The following IDUA variants were observed in gnomAD, a reference collection of about 807,000 sequenced individuals.
IDUA encodes the protein alpha-L-iduronidase.
In IDUA, 65 loss-of-function variants were observed where a neutral mutation model predicts 68.9. That is an observed-to-expected ratio of 0.94 (90% CI 0.77 to 1.16). The LOEUF is 1.16. Among genes scored for constraint, IDUA ranks in the 50% most tolerant of loss-of-function variants. IDUA has a pLI of 0.00. For missense variants in IDUA, 1,046 were observed against 938.0 expected (o/e 1.12, Z -1.50); for synonymous variants, 529 against 433.6 (o/e 1.22, Z -2.73).
At chr4:992,151 T>C in intron 2 of IDUA, 1 of 471,328 alleles carries the variant, frequency 2.1e-6, no homozygotes, top group Non-Finnish European at 4.2e-6. Flanking sequence ...GTGCCTACCG[T>C]CAGAATGTCA....
At chr4:991,035 C>G in intron 2 of IDUA, 1 of 1,295,422 alleles carries the variant, frequency 7.7e-7, no homozygotes, top group Non-Finnish European at 1.0e-6. Context: ...CTCTGCCAAC[C>G]CTGTGCTTGC....
At position 1,000,995 on chromosome 4, in the gene IDUA, C is replaced by A; in HGVS notation, c.493+6C>A. ...CCTGGCCAGGAGATACATCGGTGGG[C>A]GAGCGCAGGCCCTGGGGCCCTGGCC... On this transcript the variant is annotated splice_donor_region_variant and intron_variant, in intron 4 of 13. Coordinates refer to ENST00000514224, the MANE Select transcript of IDUA (RefSeq NM_000203.5). The A allele has an allele frequency of 6.3e-7, 1 of 1,599,472 alleles. No homozygotes were observed. The highest frequency in any genetic ancestry group is 1.3e-5 in the African/African-American group (1 of 74,782).
Position 1,002,537 on chromosome 4 carries a change from C to T in IDUA, c.1189+52C>T, listed in dbSNP as rs536648554. 3.8e-5 allele frequency: 54 copies of T among 1,402,912 alleles called. No individual in the cohort carries two copies. The South Asian group carries it at 7.9e-4, about 20-fold the overall frequency. The allele number at this position is 1,402,912 out of a possible 1,614,324, so 86.9% of individuals were successfully genotyped here. On this transcript the variant is annotated intron_variant, in intron 8 of 13. Coordinates refer to ENST00000514224, the MANE Select transcript of IDUA (RefSeq NM_000203.5). ...GGCCAGGGCCCTCCAGGCTGGGGAG[C>T]GGCTCCTGCGAAGGCCCCGCTGCGG... is the stretch of plus-strand genomic sequence containing the variant.
intron 2 of IDUA, chr4:993,555 GAGTT>G (rs201048319): frequency 0.035 from 5,330 of 152,212 alleles, 110 homozygotes; most frequent in Non-Finnish European, 0.049. Flanking sequence ...GGGCTTGTAG[GAGTT>G]AGAGCTGTGT....
chr4:988,958 C>G lies in IDUA; in HGVS notation c.299+1009C>G, dbSNP rs776094401. On this transcript the variant is annotated intron_variant, in intron 2 of 13. Transcript: ENST00000514224. Reference sequence around the variant, plus strand: ...TCCCCGGGGCCCTCCCCGAGGAAGCCTCCTCTGCTCAGAATGTCTCTCACA... The same window carrying G: ...TCCCCGGGGCCCTCCCCGAGGAAGCGTCCTCTGCTCAGAATGTCTCTCACA... The G allele has an allele frequency of 8.8e-6, 14 of 1,596,186 alleles. No homozygotes were observed. The East Asian group carries it at 3.2e-4, about 36-fold the overall frequency.
At chr4:988,921 T>G in intron 2 of IDUA, 1 of 1,603,150 alleles carries the variant, frequency 6.2e-7, no homozygotes. Flanking sequence ...CAGCTGCTCC[T>G]CCTCAGCCGT....
intron 12 of IDUA, 121 bp from the exon 13 acceptor site, chr4:1,003,891 G>A: frequency 1.1e-6 from 1 of 914,896 alleles, no homozygotes; most frequent in Admixed American, 1.7e-5. Flanking sequence ...CCAGGGGCTG[G>A]GGAGGTGCCG....
intron 2 of IDUA, chr4:988,549 G>T: frequency 7.8e-7 from 1 of 1,286,910 alleles, no homozygotes; most frequent in Non-Finnish European, 9.8e-7. Context: ...GTCAGGTCAG[G>T]CCCATCCCTC....
At chr4:1,000,807 G>A in intron 3 of IDUA, 75 bp from the exon 4 acceptor site, 1 of 1,496,574 alleles carries the variant, frequency 6.7e-7, no homozygotes. Context: ...GGCTGGCCTT[G>A]GTGCCGGAGC....
intron 9 of IDUA, 27 bp downstream of exon 9, chr4:1,002,971 TG>T: frequency 7.2e-7 from 1 of 1,380,288 alleles, no homozygotes; most frequent in South Asian, 1.6e-5. Flanking sequence ...GGGAGGTCTC[TG>T]GCCCCGCTGG....
chr4:988,973 T>C (rs1486511209), intron 2 of IDUA: 2 of 1,596,880 alleles, frequency 1.3e-6, no homozygotes, highest in East Asian at 2.3e-5. Context: ...CTGCTCAGAA[T>C]GTCTCTCACA....
intron 2 of IDUA, among the ~76,000 whole-genome samples, chr4:994,436 C>T (rs956572122): frequency 3.2e-4 from 48 of 149,914 alleles, no homozygotes; most frequent in Non-Finnish European, 4.8e-4. Flanking sequence ...CCACCGCGCC[C>T]GGCTAATTTT....
intron 1 of IDUA, 46 bp from the exon 2 acceptor site, chr4:987,763 A>G (rs772855609): frequency 6.2e-7 from 1 of 1,610,258 alleles, no homozygotes; most frequent in South Asian, 1.1e-5. Flanking sequence ...CCGCGCTGCC[A>G]GCCATGCTGA....
intron 2 of IDUA, among the ~76,000 whole-genome samples, chr4:997,693 C>A (rs1316598146): frequency 6.6e-6 from 1 of 152,174 alleles, no homozygotes; most frequent in Non-Finnish European, 1.5e-5. Context: ...TCCATCTCGC[C>A]GGCCCAGTCC....
In IDUA at chr4:1,003,891, G is replaced by C. The variant is rs1469579080; in HGVS notation, c.1728-121G>C. Reference sequence around the variant, plus strand: ...GGGCAGGAAGAGTGCCCAGGGGCTGGGGAGGTGCCGCCGAGGGGCTTGAGG... The same window carrying C: ...GGGCAGGAAGAGTGCCCAGGGGCTGCGGAGGTGCCGCCGAGGGGCTTGAGG... On this transcript the variant is annotated intron_variant, in intron 12 of 13. Coordinates refer to ENST00000514224, the MANE Select transcript of IDUA (RefSeq NM_000203.5). The C allele has an allele frequency of 4.4e-6, 4 of 914,778 alleles. No homozygotes were observed. In the Admixed American group the frequency reaches 6.8e-5, roughly 16 times the overall value. The allele number at this position is 914,778 out of a possible 1,614,324, so 56.7% of individuals were successfully genotyped here.
chr4:990,440 AG>A, intron 2 of IDUA: 1 of 1,389,540 alleles, frequency 7.2e-7, no homozygotes, highest in Middle Eastern at 2.5e-4. Context: ...GCATGGCCCG[AG>A]GGGTGGTGGT....
At chr4:989,850 G>A (rs563007673) in intron 2 of IDUA, 52 of 1,577,316 alleles carry the variant, frequency 3.3e-5, no homozygotes, top group East Asian at 1.2e-4. Flanking sequence ...GACTGCGGGC[G>A]AACATCTCCG....
intron 12 of IDUA, 89 bp from the exon 13 acceptor site, chr4:1,003,923 G>A (rs1172839819): frequency 3.7e-6 from 4 of 1,082,130 alleles, no homozygotes; most frequent in Non-Finnish European, 5.7e-6. Flanking sequence ...GAGGGAATGA[G>A]GCTGTGGGTC....
At position 1,000,568 on chromosome 4, in the gene IDUA, C is replaced by T. The variant is rs3755956; in HGVS notation, c.300-44C>T. The T allele has an allele frequency of 0.038, 54,949 of 1,451,130 alleles. 1,345 individuals are homozygous for T. Among genetic ancestry groups the T allele is most frequent in the East Asian group, 0.11 (5,059 of 44,114 alleles). The allele number at this position is 1,451,130 out of a possible 1,614,324, so 89.9% of individuals were successfully genotyped here. ...CACGGTTCCAGCCTGGAGCATGGAGCTGTGTGGGCACCCTGCTTCCTGACG... is the reference window on the plus strand; with the variant it reads ...CACGGTTCCAGCCTGGAGCATGGAGTTGTGTGGGCACCCTGCTTCCTGACG... On this transcript the variant is annotated intron_variant, in intron 2 of 13. Transcript: ENST00000514224.
Sources: allele counts gnomAD v4.1 joint callset (sites outside exome capture counted in the v4.1 genomes callset), GRCh38; gene constraint gnomAD v4.1.1; transcripts MANE v1.5; gene names NCBI Gene and HGNC (gene_info 2026-07-23, HGNC 2026-07-21).